The following DCLK1 variants were observed in gnomAD, a reference collection of about 807,000 sequenced individuals.
DCLK1 encodes doublecortin like kinase 1.
Under a neutral mutation model 86.2 loss-of-function variants are expected in DCLK1, and 16 were observed. The ratio of observed to expected loss-of-function variants is 0.19; its 90% confidence interval spans 0.13 to 0.28. The LOEUF (loss-of-function observed/expected upper bound fraction) is 0.28, where lower values mean the gene tolerates loss of function less well. Among genes scored for constraint, DCLK1 ranks in the 10% least tolerant of loss-of-function variants. The pLI is 1.00. For missense variants in DCLK1, 590 were observed against 940.2 expected, an observed-to-expected ratio of 0.63 and a Z score of 4.87; for synonymous variants, 369 against 370.5, an observed-to-expected ratio of 1.00 and a Z score of 0.05.
chr13:36,124,950 ATG>A (rs1365606184), intron 2 of DCLK1, among the ~76,000 whole-genome samples: 1 of 152,176 alleles, frequency 6.6e-6, no homozygotes, highest in African/African-American at 2.4e-5. Flanking sequence ...TTCTAAGGCA[ATG>A]ACAGGCTTTA....
intron 3 of DCLK1, among the ~76,000 whole-genome samples, chr13:35,972,664 G>C (rs1879126793): frequency 6.6e-6 from 1 of 152,128 alleles, no homozygotes; most frequent in Admixed American, 6.6e-5. Flanking sequence ...CACTGAGACA[G>C]AGTGGGAAGG....
chr13:36,063,584 C>T (rs919296380), intron 3 of DCLK1, among the ~76,000 whole-genome samples: 1 of 152,124 alleles, frequency 6.6e-6, no homozygotes, highest in African/African-American at 2.4e-5. Context: ...TACAGGTATG[C>T]CCAATATTAC....
chr13:35,788,979 AATGCAT>A (rs1398212299), intron 16 of DCLK1, among the ~76,000 whole-genome samples: 1 of 152,232 alleles, frequency 6.6e-6, no homozygotes, highest in Non-Finnish European at 1.5e-5. Context: ...GTATAATAAA[AATGCAT>A]ATGAACAGTT....
Position 35,774,558 on chromosome 13 carries a change from G to C in DCLK1, c.2200C>G (p.Arg734Gly). The C allele has an allele frequency of 6.4e-7, 1 of 1,557,096 alleles. No individual in the cohort carries two copies. Among genetic ancestry groups the C allele is most frequent in the Non-Finnish European group, 8.7e-7 (1 of 1,149,402 alleles). ...TATTAAAAGGGCGAGTTAGGGGAGC[G>C]AACAGTCTCGGAGGAGCTTGGGGAG... Reference protein sequence around the residue: ...DYSPSSSETVRSPNSPF With the variant: ...DYSPSSSETVGSPNSPF Residue 734 changes from arginine (R) to glycine (G), a missense_variant, in exon 17 of 17, where the codon CGC (arginine) becomes GGC (glycine). Coordinates refer to ENST00000360631, the MANE Select transcript of DCLK1 (RefSeq NM_001330071.2).
chr13:36,023,319 A>T (rs1179880181), intron 3 of DCLK1, among the ~76,000 whole-genome samples: 1 of 152,224 alleles, frequency 6.6e-6, no homozygotes. Context: ...CCAATGGTGC[A>T]TGTCTATTCC....
At chr13:36,005,586 T>G (rs1237720604) in intron 3 of DCLK1, among the ~76,000 whole-genome samples, 1 of 152,102 alleles carries the variant, frequency 6.6e-6, no homozygotes, top group Non-Finnish European at 1.5e-5. Context: ...TGGAAAACAC[T>G]AGAAAAGGGT....
chr13:35,845,224 G>A (rs548708370), intron 6 of DCLK1, among the ~76,000 whole-genome samples: 77 of 152,180 alleles, frequency 5.1e-4, no homozygotes, highest in Admixed American at 1.4e-3. Flanking sequence ...CTCCAGCCTC[G>A]GCAACAGAGC....
intron 4 of DCLK1, among the ~76,000 whole-genome samples, chr13:35,944,961 G>A (rs1877284392): frequency 6.6e-6 from 1 of 152,246 alleles, no homozygotes; most frequent in East Asian, 1.9e-4. Flanking sequence ...GAGTGCAATG[G>A]TGCGATCTCG....
chr13:35,818,669 A>G (rs576291450), intron 11 of DCLK1, among the ~76,000 whole-genome samples: 1 of 152,316 alleles, frequency 6.6e-6, no homozygotes, highest in African/African-American at 2.4e-5. Flanking sequence ...GCATCTGTGT[A>G]CACATTTTTG....
At chr13:35,998,553 G>A (rs1239375156) in intron 3 of DCLK1, among the ~76,000 whole-genome samples, 2 of 151,936 alleles carry the variant, frequency 1.3e-5, no homozygotes, top group Non-Finnish European at 2.9e-5. Flanking sequence ...CCAAACTCTG[G>A]GGTCCAGAGT....
chr13:35,836,230 T>C (rs1241051824), intron 7 of DCLK1, 89 bp from the exon 8 acceptor site: 7 of 1,122,648 alleles, frequency 6.2e-6, no homozygotes, highest in African/African-American at 4.7e-5. Context: ...TCTAATTGAC[T>C]GGAATGGATT....
intron 6 of DCLK1, among the ~76,000 whole-genome samples, chr13:35,839,463 G>A (rs962839030): frequency 2.6e-5 from 4 of 152,104 alleles, no homozygotes; most frequent in African/African-American, 4.8e-5. Context: ...CCTTTAGCTC[G>A]CTGTTTGGGT....
At chr13:35,987,151 G>T (rs930934094) in intron 3 of DCLK1, among the ~76,000 whole-genome samples, 4 of 152,202 alleles carry the variant, frequency 2.6e-5, no homozygotes, top group Non-Finnish European at 4.4e-5. Flanking sequence ...GCTGGGAGCG[G>T]TGGCTCACGC....
chr13:35,865,690 T>C (rs1871741452), intron 5 of DCLK1, among the ~76,000 whole-genome samples: 1 of 152,212 alleles, frequency 6.6e-6, no homozygotes, highest in African/African-American at 2.4e-5. Flanking sequence ...CTGTAACTGA[T>C]AGTTCTGAAA....
At chr13:35,998,800 G>A (rs1467015098) in intron 3 of DCLK1, among the ~76,000 whole-genome samples, 1 of 152,152 alleles carries the variant, frequency 6.6e-6, no homozygotes, top group Non-Finnish European at 1.5e-5. Context: ...AATGCAGAAA[G>A]AGTTTCAGTT....
At chr13:35,870,085 A>G (rs1428180523) in intron 5 of DCLK1, among the ~76,000 whole-genome samples, 1 of 152,148 alleles carries the variant, frequency 6.6e-6, no homozygotes, top group East Asian at 1.9e-4. Flanking sequence ...GCTCACCTTT[A>G]AACTACAGAG....
At chr13:36,001,149 T>C (rs1880697811) in intron 3 of DCLK1, among the ~76,000 whole-genome samples, 1 of 152,142 alleles carries the variant, frequency 6.6e-6, no homozygotes, top group Non-Finnish European at 1.5e-5. Context: ...GGTTTCTACA[T>C]GTTGGTCAGG....
At chr13:35,947,092 A>G (rs1411964133) in intron 4 of DCLK1, among the ~76,000 whole-genome samples, 1 of 152,242 alleles carries the variant, frequency 6.6e-6, no homozygotes, top group Non-Finnish European at 1.5e-5. Flanking sequence ...CATTTTCTAC[A>G]TAACATCAAT....
chr13:35,809,995 A>G (rs1227058360), intron 12 of DCLK1, among the ~76,000 whole-genome samples: 4 of 152,168 alleles, frequency 2.6e-5, no homozygotes, highest in African/African-American at 9.7e-5. Context: ...AAGAAAAAGT[A>G]GGGCTGCCTC....
Sources: gnomAD v4.1 joint callset for allele counts (sites outside exome capture counted in the v4.1 genomes callset) on GRCh38, gnomAD v4.1.1 for gene constraint, MANE v1.5 for transcripts, NCBI Gene and HGNC (gene_info 2026-07-23, HGNC 2026-07-21) for gene names.